JMJD1C: variants seen among roughly 807,000 people sequenced by gnomAD.
JMJD1C encodes jumonji domain containing 1C.
In JMJD1C, 31 loss-of-function variants were observed where a neutral mutation model predicts 245.3. The observed-to-expected ratio is 0.13, with a 90% confidence interval of 0.09 to 0.17. JMJD1C has a LOEUF of 0.17. Among genes scored for constraint, JMJD1C ranks in the 10% least tolerant of loss-of-function variants. The pLI is 1.00. For synonymous variants in JMJD1C, 1,057 were observed against 1,017.4 expected, an observed-to-expected ratio of 1.04 and a Z score of -0.74; for missense variants, 2,691 against 3,000.2, an observed-to-expected ratio of 0.90 and a Z score of 2.41.
chr10:63,215,567 C>T lies in JMJD1C; in HGVS notation c.808G>A (p.Val270Ile), dbSNP rs376167675. Residue 270 changes from valine to isoleucine, a missense_variant, in exon 6 of 26, where the codon GTC (valine) becomes ATC (isoleucine). By Grantham distance (29) the Val-to-Ile change is conservative (BLOSUM62 3). Around this residue, in one of 9 missense-constraint regions of JMJD1C, gnomAD observed 172 missense variants for 240.8 expected, o/e 0.71. Transcript: ENST00000399262. ...SRRRSRANQNVNAVHSHYTRA... is the reference protein window; with the variant it reads ...SRRRSRANQNINAVHSHYTRA... Reference sequence around the variant, plus strand: ...AACATACATACGTGAACAGCGTTGACGTTTTGATTGGCACGAGACCTGCGT... The same window carrying T: ...AACATACATACGTGAACAGCGTTGATGTTTTGATTGGCACGAGACCTGCGT... 2.9e-5 allele frequency: 47 copies of T among 1,609,190 alleles called. No individual in the cohort carries two copies. The highest frequency in any genetic ancestry group is 1.2e-4 in the Admixed American group (7 of 59,786).
At chr10:63,484,744 A>G (rs1490270029) in intron 1 of JMJD1C, among the ~76,000 whole-genome samples, 3 of 152,016 alleles carry the variant, frequency 2.0e-5, no homozygotes, top group Non-Finnish European at 2.9e-5. Flanking sequence ...ATTGATTATA[A>G]TAAGTACTGT....
intron 4 of JMJD1C, among the ~76,000 whole-genome samples, chr10:63,218,709 A>C (rs1318875586): frequency 6.6e-6 from 1 of 152,234 alleles, no homozygotes; most frequent in East Asian, 1.9e-4. Context: ...CAGAAACAAA[A>C]TATTATTTTT....
At chr10:63,188,541 T>C (rs1374144480) in intron 18 of JMJD1C, among the ~76,000 whole-genome samples, 1 of 152,214 alleles carries the variant, frequency 6.6e-6, no homozygotes, top group African/African-American at 2.4e-5. Context: ...AAAGTAAACA[T>C]TTTCCAGAAA....
At chr10:63,499,143 C>T (rs892338741) in intron 1 of JMJD1C, among the ~76,000 whole-genome samples, 1 of 152,216 alleles carries the variant, frequency 6.6e-6, no homozygotes, top group African/African-American at 2.4e-5. Flanking sequence ...GTTGATTCCA[C>T]ATCTTGGTTA....
rs1857655945 is a variant in JMJD1C at position 63,283,660 on chromosome 10, C to G, written c.334-18896G>C. ...GGGATTACAGGCGTGAGCCACTGCA[C>G]CTGGCCTTTCTGAGCTTTTTAATAG... is the stretch of plus-strand genomic sequence containing the variant. On this transcript the variant is annotated intron_variant, in intron 2 of 25. Coordinates refer to ENST00000399262, the MANE Select transcript of JMJD1C (RefSeq NM_032776.3). 2.6e-5 allele frequency among the ~76,000 whole-genome samples: 4 copies of G among 152,166 alleles called. No individual in the cohort carries two copies. The South Asian group carries it at 8.3e-4, about 31-fold the overall frequency.
At chr10:63,392,598 G>A (rs1353291150) in intron 1 of JMJD1C, among the ~76,000 whole-genome samples, 4 of 151,834 alleles carry the variant, frequency 2.6e-5, no homozygotes, top group African/African-American at 7.3e-5. Context: ...AGGCCGAGGT[G>A]GGTGGATCAT....
chr10:63,468,978 C>T (rs1221557340), upstream of JMJD1C, among the ~76,000 whole-genome samples: 1 of 152,094 alleles, frequency 6.6e-6, no homozygotes, highest in Non-Finnish European at 1.5e-5. Context: ...AAAAAAAACC[C>T]ACAAACTATT....
chr10:63,443,078 AG>A (rs1951487353), intron 1 of JMJD1C, among the ~76,000 whole-genome samples: 1 of 152,180 alleles, frequency 6.6e-6, no homozygotes, highest in African/African-American at 2.4e-5. Flanking sequence ...GGGGGCTCCC[AG>A]GCCCCCTCCT....
At chr10:63,307,406 T>C (rs1472664791) in intron 2 of JMJD1C, among the ~76,000 whole-genome samples, 1 of 152,240 alleles carries the variant, frequency 6.6e-6, no homozygotes. Context: ...TGGCGAATCA[T>C]ATACGTCTAT....
intron 2 of JMJD1C, among the ~76,000 whole-genome samples, chr10:63,371,571 C>A (rs912043320): frequency 1.3e-5 from 2 of 152,164 alleles, no homozygotes; most frequent in East Asian, 3.8e-4. Context: ...AGGTACGTGA[C>A]AAACATTAGC....
At chr10:63,513,740 GTCTCTACTAAA>G in intron 1 of JMJD1C, among the ~76,000 whole-genome samples, 1 of 151,974 alleles carries the variant, frequency 6.6e-6, no homozygotes, top group South Asian at 2.1e-4. Context: ...GGGAAACCCC[GTCTCTACTAAA>G]AATACAAAAA....
At chr10:63,286,048 T>C (rs756457108) in intron 2 of JMJD1C, among the ~76,000 whole-genome samples, 1 of 152,134 alleles carries the variant, frequency 6.6e-6, no homozygotes, top group Non-Finnish European at 1.5e-5. Context: ...TCAGAAATTC[T>C]AGAAGTGGGG....
chr10:63,519,325 C>T (rs1955129566), intron 1 of JMJD1C, among the ~76,000 whole-genome samples: 1 of 152,206 alleles, frequency 6.6e-6, no homozygotes, highest in South Asian at 2.1e-4. Flanking sequence ...AATTAATATT[C>T]ACAATGATGA....
intron 2 of JMJD1C, among the ~76,000 whole-genome samples, chr10:63,267,286 A>T (rs1432000801): frequency 6.6e-6 from 1 of 152,226 alleles, no homozygotes; most frequent in Non-Finnish European, 1.5e-5. Flanking sequence ...GGCAAACAAC[A>T]TATGAAGTGA....
chr10:63,481,456 T>C (rs1158983064), intron 1 of JMJD1C, among the ~76,000 whole-genome samples: 1 of 152,190 alleles, frequency 6.6e-6, no homozygotes, highest in African/African-American at 2.4e-5. Context: ...TTTTTTCCTT[T>C]TAAAAATATG....
At chr10:63,349,713 T>C (rs775780235) in intron 2 of JMJD1C, among the ~76,000 whole-genome samples, 3 of 152,198 alleles carry the variant, frequency 2.0e-5, no homozygotes, top group Non-Finnish European at 4.4e-5. Flanking sequence ...AAAGGCTTCA[T>C]AGGTGGGGGA....
intron 1 of JMJD1C, among the ~76,000 whole-genome samples, chr10:63,420,550 C>T (rs1057071931): frequency 6.6e-6 from 1 of 150,664 alleles, no homozygotes; most frequent in African/African-American, 2.4e-5. Context: ...ACATAAAATA[C>T]AAAAATTAGC....
chr10:63,341,589 T>C (rs1273899669), intron 2 of JMJD1C, among the ~76,000 whole-genome samples: 1 of 152,222 alleles, frequency 6.6e-6, no homozygotes, highest in African/African-American at 2.4e-5. Context: ...TTTTGAATGG[T>C]TTCACAAACA....
At chr10:63,477,995 A>G (rs529999663) in intron 1 of JMJD1C, among the ~76,000 whole-genome samples, 2 of 152,366 alleles carry the variant, frequency 1.3e-5, no homozygotes, top group East Asian at 3.9e-4. Context: ...ATCATTAATT[A>G]TCAGGGAAAT....
Sources: allele counts gnomAD v4.1 joint callset (sites outside exome capture counted in the v4.1 genomes callset), GRCh38; gene constraint gnomAD v4.1.1; regional missense constraint gnomAD v4.1.1; transcripts MANE v1.5; gene names NCBI Gene and HGNC (gene_info 2026-07-23, HGNC 2026-07-21).